Variants in IL36RN observed in about 807,000 individuals in gnomAD.
IL36RN encodes the protein interleukin-36 receptor antagonist protein.
In IL36RN, 11 loss-of-function variants were observed where a neutral mutation model predicts 13.0. The observed-to-expected ratio is 0.85, with a 90% CI of 0.53 to 1.40. The LOEUF (loss-of-function observed/expected upper bound fraction) is 1.40. IL36RN is among the 40% of genes most tolerant of loss of function. IL36RN has a pLI of 0.00. For missense variants in IL36RN, 195 were observed against 195.3 expected, an observed-to-expected ratio of 1.00 and a Z score of 0.01; for synonymous variants, 94 against 84.1, an observed-to-expected ratio of 1.12 and a Z score of -0.64.
rs1211837152 is a variant in IL36RN at position 113,062,672 on chromosome 2, G to A, written c.463G>A (p.Asp155Asn). The A allele has an allele frequency of 6.2e-7, 1 of 1,610,374 alleles. No homozygotes were observed. Among genetic ancestry groups the A allele is most frequent in the East Asian group, 2.2e-5 (1 of 44,860 alleles). ...PITDFYFQQCD is the reference protein window; with the variant it reads ...PITDFYFQQCN ...CACAGACTTCTACTTCCAGCAGTGT[G>A]ACTAGGGCAACGTGCCCCCCAGAAC... is the stretch of plus-strand genomic sequence containing the variant. The change falls in exon 5 of 5, where the codon GAC becomes AAC. Residue 155 changes from aspartate (D) to asparagine (N), a missense_variant. By Grantham distance (23) the Asp-to-Asn change is conservative. Coordinates refer to ENST00000393200, the MANE Select transcript of IL36RN (RefSeq NM_012275.3).
At chr2:113,062,401 TC>T (rs1685660171) in intron 4 of IL36RN, 51 bp from the exon 5 acceptor site, 1 of 1,607,896 alleles carries the variant, frequency 6.2e-7, no homozygotes, top group African/African-American at 1.3e-5. Flanking sequence ...TGCCCAGCCC[TC>T]CCTCTGCCCC....
At position 113,059,410 on chromosome 2, in the gene IL36RN, A is replaced by C; in HGVS notation, c.-27-2A>C. On this transcript the variant is annotated splice_acceptor_variant, in intron 1 of 4. Coordinates refer to ENST00000393200, the MANE Select transcript of IL36RN (RefSeq NM_012275.3). LOFTEE classifies it low-confidence loss of function (5UTR_SPLICE). ...GATTTTCTGTTGTTTATTCCAAAAT[A>C]GGGGAGTCTACACCCTGTGGAGCTC... is the stretch of plus-strand genomic sequence containing the variant. The C allele has an allele frequency of 1.2e-6, 2 of 1,613,674 alleles. No homozygotes were observed. Among genetic ancestry groups the C allele is most frequent in the East Asian group, 2.2e-5 (1 of 44,862 alleles).
At chr2:113,062,032 C>A in intron 3 of IL36RN, 92 bp from the exon 4 acceptor site, 1 of 1,537,786 alleles carries the variant, frequency 6.5e-7, no homozygotes, top group South Asian at 1.2e-5. Context: ...GGGGGCAGGC[C>A]GTCTTACAGC....
At chr2:113,059,354 A>C in intron 1 of IL36RN, 58 bp from the exon 2 acceptor site, 3 of 1,500,414 alleles carry the variant, frequency 2.0e-6, no homozygotes, top group Non-Finnish European at 2.8e-6. Context: ...CTTGCTCCCC[A>C]GACCCCAGCC....
Position 113,062,808 on chromosome 2 carries a change from C to CT in IL36RN, c.*134dup. On this transcript the variant is annotated 3_prime_UTR_variant, in exon 5 of 5. Transcript: ENST00000393200. ...GTCTGACTTAGTGGGCACCTGACCA[C>CT]TTTGTCTTCTGGTTCCCAGTTTGGA... 1 of 802,582 alleles carries CT rather than the reference C, an allele frequency of 1.2e-6. No individual in the cohort carries two copies. Among genetic ancestry groups the CT allele is most frequent in the South Asian group, 1.5e-5 (1 of 67,912 alleles). The allele number at this position is 802,582 out of a possible 1,614,324, so 49.7% of individuals were successfully genotyped here. A position where few individuals can be genotyped will look rare whatever the true frequency, so the allele number is the denominator to read the frequency against.
rs948198550 is a variant in IL36RN at position 113,064,277 on chromosome 2, C to T, written c.*1600C>T. On this transcript the variant is annotated 3_prime_UTR_variant, in exon 5 of 5. Transcript: ENST00000393200. ...TCCTGAACGAAGAAAGAATAAATTT[C>T]GGCTGTTTTAAGCCACCAAGGATAA... 6.6e-6 allele frequency: 1 copy of T among 152,152 alleles called. No homozygotes were observed. Among genetic ancestry groups the T allele is most frequent in the Admixed American group, 6.5e-5 (1 of 15,270 alleles). 9.4% of individuals were successfully genotyped at this position (152,152 alleles called of 1,614,324 possible). A position where few individuals can be genotyped will look rare whatever the true frequency, so the allele number is the denominator to read the frequency against.
At chr2:113,059,624 G>T (rs1290664402) in intron 2 of IL36RN, among the ~76,000 whole-genome samples, 157 bp downstream of exon 2, 1 of 152,086 alleles carries the variant, frequency 6.6e-6, no homozygotes, top group African/African-American at 2.4e-5. Flanking sequence ...AGTTTTCCCA[G>T]CCTTTTTCAA....
At chr2:113,059,503 C>T (rs768239677) in intron 2 of IL36RN, 36 bp downstream of exon 2, 20 of 1,612,632 alleles carry the variant, frequency 1.2e-5, no homozygotes, top group South Asian at 9.9e-5. Flanking sequence ...TGGTGTCCTC[C>T]GGAGGAAGTG....
intron 3 of IL36RN, among the ~76,000 whole-genome samples, chr2:113,061,618 G>T (rs1356993239): frequency 1.3e-5 from 2 of 152,178 alleles, no homozygotes; most frequent in African/African-American, 2.4e-5. Context: ...GTATGTGTGA[G>T]TGCAGGTATG....
chr2:113,059,466 C>T lies in IL36RN; in HGVS notation c.28C>T (p.Arg10Ter), dbSNP rs397514630. ...GGTCCTGAGTGGGGCGCTGTGCTTC[C>T]GGTGAGTGTATGAGGCCCTGGTTTG... MVLSGALCF[R>*]MKDSALKVLY... The change falls in exon 2 of 5, where the codon CGA (arginine) becomes TGA (stop). Residue 10 changes from arginine (R) to a stop codon, truncating the protein, a stop_gained and splice_region_variant. Coordinates refer to ENST00000393200, the MANE Select transcript of IL36RN (RefSeq NM_012275.3). LOFTEE classifies it high-confidence loss of function. 4.8e-5 allele frequency: 78 copies of T among 1,613,746 alleles called. No homozygotes were observed. In the East Asian group the frequency reaches 1.6e-3, roughly 34 times the overall value.
At position 113,062,741 on chromosome 2, in the gene IL36RN, C is replaced by T; in HGVS notation, c.*64C>T. Reference sequence around the variant, plus strand: ...TCGGGTGAGGGGTGAGTGGAGGAGACCCATGGCGGACAATCACTCTCTCTG... The same window carrying T: ...TCGGGTGAGGGGTGAGTGGAGGAGATCCATGGCGGACAATCACTCTCTCTG... On this transcript the variant is annotated 3_prime_UTR_variant, in exon 5 of 5. Transcript: ENST00000393200. 1.4e-6 allele frequency: 2 copies of T among 1,396,058 alleles called. No individual in the cohort carries two copies. Among genetic ancestry groups the T allele is most frequent in the East Asian group, 4.7e-5 (2 of 42,328 alleles). 86.5% of individuals were successfully genotyped at this position (1,396,058 alleles called of 1,614,324 possible).
Position 113,062,139 on chromosome 2 carries a change from T to C in IL36RN, c.131T>C (p.Val44Ala). 1 of 1,614,028 alleles carries C rather than the reference T, an allele frequency of 6.2e-7. No individual in the cohort carries two copies. Among genetic ancestry groups the C allele is most frequent in the Non-Finnish European group, 8.5e-7 (1 of 1,179,956 alleles). The change falls in exon 4 of 5, where the codon GTG becomes GCG. Residue 44 changes from valine (V) to alanine (A), a missense_variant. Val to Ala is a moderately conservative substitution (Grantham distance 64, BLOSUM62 0). Coordinates refer to ENST00000393200, the MANE Select transcript of IL36RN (RefSeq NM_012275.3). ...GKVIKGEEIS[V>A]VPNRWLDASL... ...TTTCCCACAGGTGAAGAGATCAGCG[T>C]GGTCCCCAATCGGTGGCTGGATGCC...
chr2:113,059,128 C>T (rs1685586842), upstream of IL36RN: 2 of 458,266 alleles, frequency 4.4e-6, no homozygotes, highest in East Asian at 4.0e-5. Context: ...CCTGCTCCTC[C>T]TCAGGTCCTG....
Position 113,059,223 on chromosome 2 carries a change from G to C in IL36RN, c.-46G>C. 1.3e-5 allele frequency: 8 copies of C among 626,712 alleles called. No homozygotes were observed. In the South Asian group the frequency reaches 1.5e-4, roughly 11 times the overall value. The allele number at this position is 626,712 out of a possible 1,614,324, so 38.8% of individuals were successfully genotyped here. A position where few individuals can be genotyped will look rare whatever the true frequency, so the allele number is the denominator to read the frequency against. On this transcript the variant is annotated 5_prime_UTR_variant, in exon 1 of 5. Transcript: ENST00000393200. ...AGGCAGACTCCACAGCTCCCGCCAG[G>C]AGAAAGGAACATTCTGAGGTATGCT...
In IL36RN at chr2:113,062,541, T is replaced by C. The variant is rs1685664526; in HGVS notation, c.332T>C (p.Phe111Ser). ...YRRDMGLTSSFESAAYPGWFL... is the reference protein window; with the variant it reads ...YRRDMGLTSSSESAAYPGWFL... ...CGGGACATGGGGCTCACCTCCAGCT[T>C]CGAGTCGGCTGCCTACCCGGGCTGG... Residue 111 changes from phenylalanine (F) to serine (S), a missense_variant, in exon 5 of 5, where the codon TTC becomes TCC. Phe to Ser is a radical substitution (Grantham distance 155, BLOSUM62 -2). Coordinates refer to ENST00000393200, the MANE Select transcript of IL36RN (RefSeq NM_012275.3). 1 of 1,613,942 alleles carries C rather than the reference T, an allele frequency of 6.2e-7. No homozygotes were observed. Among genetic ancestry groups the C allele is most frequent in the Admixed American group, 1.7e-5 (1 of 60,000 alleles).
rs151325121 is a variant in IL36RN at position 113,062,150 on chromosome 2, C to T, written c.142C>T (p.Arg48Trp). The T allele has an allele frequency of 1.5e-4, 235 of 1,613,950 alleles. No homozygotes were observed. The highest frequency in any genetic ancestry group is 1.6e-4 in the Middle Eastern group (1 of 6,084). Reference sequence around the variant, plus strand: ...TGAAGAGATCAGCGTGGTCCCCAATCGGTGGCTGGATGCCAGCCTGTCCCC... The same window carrying T: ...TGAAGAGATCAGCGTGGTCCCCAATTGGTGGCTGGATGCCAGCCTGTCCCC... The part of the protein sequence containing the change: ...KGEEISVVPN[R>W]WLDASLSPVI... Residue 48 changes from arginine (R) to tryptophan (W), a missense_variant, in exon 4 of 5, where the codon CGG becomes TGG. Physicochemically the swap from Arg to Trp is moderately radical, Grantham distance 101. Transcript: ENST00000393200.
At chr2:113,059,055 C>A (rs1014720193), upstream of IL36RN, 67 of 309,300 alleles carry the variant, frequency 2.2e-4, no homozygotes, top group East Asian at 4.7e-3. Flanking sequence ...TCCCTCCCCA[C>A]GACAGATAAT....
At chr2:113,059,168 C>T, upstream of IL36RN, 4 of 542,994 alleles carry the variant, frequency 7.4e-6, no homozygotes, top group African/African-American at 7.6e-5. Flanking sequence ...CTAGGCCTTA[C>T]TTAAAAGGCT....
In IL36RN at chr2:113,059,363, C is replaced by G. The variant is rs2278716; in HGVS notation, c.-27-49C>G. ...CAGCTGCTTGCTCCCCAGACCCCAG[C>G]CAACTCAGCCTCTCTCTCCATGATT... On this transcript the variant is annotated intron_variant, in intron 1 of 4. Coordinates refer to ENST00000393200, the MANE Select transcript of IL36RN (RefSeq NM_012275.3). The G allele has an allele frequency of 0.4, 619,875 of 1,538,496 alleles. 130,544 individuals are homozygous for G. Among genetic ancestry groups the G allele is most frequent in the South Asian group, 0.58 (51,609 of 89,084 alleles).
Sources: gnomAD v4.1 joint callset for allele counts (sites outside exome capture counted in the v4.1 genomes callset) on GRCh38, gnomAD v4.1.1 for gene constraint, MANE v1.5 for transcripts, NCBI Gene and HGNC (gene_info 2026-07-23, HGNC 2026-07-21) for gene names.